The following IL4I1 variants were observed in gnomAD, a reference collection of about 807,000 sequenced individuals.
IL4I1 encodes interleukin 4 induced 1.
A neutral mutation model predicts 29.7 loss-of-function variants in IL4I1; 24 were observed. That is an observed-to-expected ratio of 0.81 (90% CI 0.59 to 1.14). The LOEUF (loss-of-function observed/expected upper bound fraction) is 1.14, where lower values mean the gene tolerates loss of function less well. Ranked by LOEUF, IL4I1 falls within the 50% of genes most tolerant of loss-of-function variation. The pLI is 0.00. For synonymous variants in IL4I1, 371 were observed against 352.5 expected, an observed-to-expected ratio of 1.05 and a Z score of -0.59; for missense variants, 686 against 785.6, an observed-to-expected ratio of 0.87 and a Z score of 1.52.
chr19:49,908,947 G>A lies in IL4I1; in HGVS notation c.-227-4626C>T, dbSNP rs202129446. 1.7e-5 allele frequency: 28 copies of A among 1,609,510 alleles called. No individual in the cohort carries two copies. The East Asian group carries it at 5.8e-4, about 33-fold the overall frequency. On this transcript the variant is annotated intron_variant, in intron 2 of 9. Transcript: ENST00000341114. The stretch of plus-strand genomic sequence containing the variant: ...GTTTTAAATTCAAGGCAAAGCCGGT[G>A]GTGCTGCTGCTGCTGGTGGTGGTGG...
intron 1 of IL4I1, among the ~76,000 whole-genome samples, chr19:49,896,415 C>G (rs2075211811): frequency 6.6e-6 from 1 of 151,918 alleles, no homozygotes; most frequent in South Asian, 2.1e-4. Context: ...CTGTCTCTTT[C>G]TCTTCTTTTC....
At position 49,891,392 on chromosome 19, in the gene IL4I1, G is replaced by C. The variant is rs770967920; in HGVS notation, c.636+13C>G. 1 of 1,613,484 alleles carries C rather than the reference G, an allele frequency of 6.2e-7. No individual in the cohort carries two copies. The highest frequency in any genetic ancestry group is 1.1e-5 in the South Asian group (1 of 91,074). On this transcript the variant is annotated intron_variant, in intron 6 of 7. Coordinates refer to ENST00000391826, the MANE Select transcript of IL4I1 (RefSeq NM_152899.2). ...TTGCCCTGCATCTCAGCAGAACCAA[G>C]ATCCCCACTTACCAAGAGCGTGTGC...
intron 2 of IL4I1, among the ~76,000 whole-genome samples, chr19:49,923,663 C>G (rs1246809427): frequency 6.6e-6 from 1 of 152,258 alleles, no homozygotes; most frequent in Non-Finnish European, 1.5e-5. Context: ...ATGCCAGGCC[C>G]CACTCTAGGT....
intron 2 of IL4I1, among the ~76,000 whole-genome samples, chr19:49,927,150 C>T (rs1425747801): frequency 1.3e-5 from 2 of 152,112 alleles, no homozygotes; most frequent in African/African-American, 2.4e-5. Flanking sequence ...CATGAGCCAC[C>T]GTGCCTGGTC....
intron 2 of IL4I1, among the ~76,000 whole-genome samples, chr19:49,915,901 A>C (rs2075612036): frequency 6.6e-6 from 1 of 152,234 alleles, no homozygotes; most frequent in African/African-American, 2.4e-5. Flanking sequence ...GCCTCCGAAC[A>C]CAGAGGAAGG....
chr19:49,922,305 G>A (rs1473778049), intron 2 of IL4I1, among the ~76,000 whole-genome samples: 1 of 152,178 alleles, frequency 6.6e-6, no homozygotes, highest in Non-Finnish European at 1.5e-5. Flanking sequence ...GCTCCTGGTG[G>A]CCTCTGGCTG....
chr19:49,905,760 C>T, intron 2 of IL4I1, among the ~76,000 whole-genome samples: 1 of 152,160 alleles, frequency 6.6e-6, no homozygotes, highest in East Asian at 1.9e-4. Context: ...CTTAACTAGC[C>T]ACCAGCTCAT....
In IL4I1 at chr19:49,894,439, C is replaced by G. The variant is rs558027138; in HGVS notation, c.396G>C (p.Gly132=). ...ACTGGGTGAACTTGGTCAGGTTGAG[C>G]CCCAGGCCCTGGCAGAGCTTGTGGA... is the stretch of plus-strand genomic sequence containing the variant. ...RILHKLCQGL[G]LNLTKFTQYD... Residue 132 remains glycine, a synonymous_variant, in exon 5 of 8, where the codon GGG becomes GGC. Transcript: ENST00000391826. The G allele has an allele frequency of 6.2e-7, 1 of 1,614,170 alleles. No individual in the cohort carries two copies. Among genetic ancestry groups the G allele is most frequent in the Admixed American group, 1.7e-5 (1 of 60,022 alleles).
chr19:49,923,360 C>G (rs2075809818), intron 2 of IL4I1, among the ~76,000 whole-genome samples: 1 of 152,184 alleles, frequency 6.6e-6, no homozygotes. Flanking sequence ...CTGAGCAACT[C>G]ATTAGAAAAT....
At chr19:49,925,651 C>T (rs1600565447) in intron 2 of IL4I1, among the ~76,000 whole-genome samples, 1 of 152,064 alleles carries the variant, frequency 6.6e-6, no homozygotes, top group Non-Finnish European at 1.5e-5. Context: ...CTAAATATAA[C>T]GTGGCATCCT....
upstream of IL4I1, among the ~76,000 whole-genome samples, chr19:49,901,044 C>G (rs2075267038): frequency 6.6e-6 from 1 of 152,182 alleles, no homozygotes; most frequent in Non-Finnish European, 1.5e-5. Context: ...TATACGCATT[C>G]TCTTCTCTGA....
intron 2 of IL4I1, among the ~76,000 whole-genome samples, chr19:49,914,538 G>A (rs2075568415): frequency 6.6e-6 from 1 of 151,972 alleles, no homozygotes; most frequent in South Asian, 2.1e-4. Flanking sequence ...CAAACAACAC[G>A]GCCGCCTTCA....
At chr19:49,907,537 C>CTTTTTT in intron 2 of IL4I1, 27 of 332,832 alleles carry the variant, frequency 8.1e-5, no homozygotes, top group East Asian at 2.6e-4. Flanking sequence ...CTGGGAGTTT[C>CTTTTTT]TTTTTTTTTT....
intron 2 of IL4I1, among the ~76,000 whole-genome samples, chr19:49,914,489 C>A (rs894227736): frequency 6.6e-6 from 1 of 152,162 alleles, no homozygotes; most frequent in Non-Finnish European, 1.5e-5. Context: ...CAGTCCCTTC[C>A]CTTCCTGCCT....
At chr19:49,907,537 C>CTTT (rs4009637) in intron 2 of IL4I1, 824 of 332,028 alleles carry the variant, frequency 2.5e-3, no homozygotes, top group East Asian at 6.3e-3. Flanking sequence ...CTGGGAGTTT[C>CTTT]TTTTTTTTTT....
chr19:49,924,921 G>A (rs1366644931), intron 2 of IL4I1, among the ~76,000 whole-genome samples: 1 of 152,124 alleles, frequency 6.6e-6, no homozygotes, highest in Non-Finnish European at 1.5e-5. Context: ...AGCATAAACC[G>A]CACATAGCCA....
intron 4 of IL4I1, among the ~76,000 whole-genome samples, chr19:49,894,695 T>C (rs530427286): frequency 9.5e-5 from 14 of 147,680 alleles, no homozygotes; most frequent in Admixed American, 2.0e-4. Context: ...AAGAGTGGGA[T>C]AGAGCCCAGA....
At chr19:49,908,673 C>A in intron 2 of IL4I1, 1 of 1,612,318 alleles carries the variant, frequency 6.2e-7, no homozygotes, top group Non-Finnish European at 8.5e-7. Context: ...ACCTTCTCCA[C>A]CTCGCGGTGC....
At position 49,892,909 on chromosome 19, in the gene IL4I1, G is replaced by A. The variant is rs114880309; in HGVS notation, c.567+1359C>T. 4.1e-3 allele frequency among the ~76,000 whole-genome samples: 623 copies of A among 152,252 alleles called. 7 individuals carry two copies. The highest frequency in any genetic ancestry group is 0.015 in the African/African-American group (609 of 41,552). ...GCCAGTTCCTCCCTAAAGGTATCAG[G>A]GAAGGCTTCCTGGAGGAGGGGACAT... is the stretch of plus-strand genomic sequence containing the variant. On this transcript the variant is annotated intron_variant, in intron 5 of 7. Coordinates refer to ENST00000391826, the MANE Select transcript of IL4I1 (RefSeq NM_152899.2).
Sources: gnomAD v4.1 joint callset for allele counts (sites outside exome capture counted in the v4.1 genomes callset) on GRCh38, gnomAD v4.1.1 for gene constraint, MANE v1.5 for transcripts, NCBI Gene and HGNC (gene_info 2026-07-23, HGNC 2026-07-21) for gene names.